Variants in SMARCC1 observed in about 807,000 individuals in gnomAD.
SMARCC1 encodes SWI/SNF complex subunit SMARCC1.
Under a neutral mutation model 147.4 loss-of-function variants are expected in SMARCC1, and 43 were observed. The observed-to-expected ratio is 0.29, with a 90% confidence interval of 0.23 to 0.38. The LOEUF is 0.38. SMARCC1 is among the 10% of genes least tolerant of loss of function. The pLI is 1.00. For synonymous variants in SMARCC1, 495 were observed against 484.4 expected (o/e 1.02, Z -0.29); for missense variants, 1,119 against 1,381.1 (o/e 0.81, Z 3.01).
chr3:47,636,277 C>A (rs1167938965), intron 22 of SMARCC1, 141 bp from the exon 23 acceptor site: 1 of 599,006 alleles, frequency 1.7e-6, no homozygotes, highest in Admixed American at 3.1e-5. Flanking sequence ...TTGTAGAGAA[C>A]AGCTCGAAAA....
At chr3:47,686,743 G>A (rs2033728431) in intron 13 of SMARCC1, among the ~76,000 whole-genome samples, 1 of 152,060 alleles carries the variant, frequency 6.6e-6, no homozygotes, top group African/African-American at 2.4e-5. Flanking sequence ...TCCAACACTT[G>A]GGAGGCTGAG....
intron 14 of SMARCC1, among the ~76,000 whole-genome samples, chr3:47,684,591 C>A (rs943444066): frequency 6.6e-6 from 1 of 151,988 alleles, no homozygotes; most frequent in South Asian, 2.1e-4. Flanking sequence ...CAGGCACCCA[C>A]CACCACGCCT....
chr3:47,758,585 C>A (rs551443851), intron 2 of SMARCC1, among the ~76,000 whole-genome samples: 1 of 152,178 alleles, frequency 6.6e-6, no homozygotes, highest in South Asian at 2.1e-4. Context: ...TTATGTACTG[C>A]ATATACATAC....
intron 25 of SMARCC1, among the ~76,000 whole-genome samples, chr3:47,618,223 G>C (rs925113588): frequency 3.3e-5 from 5 of 152,138 alleles, no homozygotes; most frequent in Non-Finnish European, 7.3e-5. Flanking sequence ...TATTGTGTGT[G>C]ATCTGATTAG....
At chr3:47,733,263 A>T (rs1178958327) in intron 5 of SMARCC1, among the ~76,000 whole-genome samples, 1 of 152,008 alleles carries the variant, frequency 6.6e-6, no homozygotes, top group African/African-American at 2.4e-5. Context: ...CCATTTAAAA[A>T]AAGGAGCAGG....
chr3:47,676,282 G>C (rs928310903), intron 17 of SMARCC1, among the ~76,000 whole-genome samples: 2 of 152,042 alleles, frequency 1.3e-5, no homozygotes, highest in Middle Eastern at 3.2e-3. Context: ...CACATTTCTA[G>C]AACACAGATT....
At chr3:47,724,164 ATAAAGTAGGAT>A (rs1467004141) in intron 6 of SMARCC1, among the ~76,000 whole-genome samples, 1 of 152,220 alleles carries the variant, frequency 6.6e-6, no homozygotes, top group Non-Finnish European at 1.5e-5. Context: ...TATGCCCAAA[ATAAAGTAGGAT>A]GAAAGTAGGA....
At chr3:47,623,134 CT>C (rs763911271) in intron 24 of SMARCC1, among the ~76,000 whole-genome samples, 977 of 67,464 alleles carry the variant, frequency 0.014, 2 homozygotes, top group Middle Eastern at 0.034. Flanking sequence ...CTACACAAGG[CT>C]TTTTTTTTTT....
intron 9 of SMARCC1, among the ~76,000 whole-genome samples, chr3:47,709,151 C>T (rs1576418313): frequency 2.0e-5 from 3 of 151,354 alleles, no homozygotes; most frequent in African/African-American, 7.3e-5. Flanking sequence ...ATCCCAGGTA[C>T]TTGGGAAGCT....
At chr3:47,729,138 C>T in intron 5 of SMARCC1, 44 bp from the exon 6 acceptor site, 1 of 1,245,034 alleles carries the variant, frequency 8.0e-7, no homozygotes. Context: ...AAGCACATGG[C>T]AATGAACTAT....
In SMARCC1 at chr3:47,735,132, G is replaced by A. The variant is rs7428880; in HGVS notation, c.576+902C>T. Among the ~76,000 whole-genome samples, 1,268 of 152,084 alleles carry A rather than the reference G, an allele frequency of 8.3e-3. 11 individuals are homozygous for A. Among genetic ancestry groups the A allele is most frequent in the Non-Finnish European group, 0.013 (852 of 68,004 alleles). ...TTAGGGAAGACAGGATTACTTGAAAGTAATACTTCATTTCTTCTTACCAAC... is the reference window on the plus strand; with the variant it reads ...TTAGGGAAGACAGGATTACTTGAAAATAATACTTCATTTCTTCTTACCAAC... On this transcript the variant is annotated intron_variant, in intron 5 of 27. Coordinates refer to ENST00000254480, the MANE Select transcript of SMARCC1 (RefSeq NM_003074.4).
chr3:47,769,210 C>CCAAAA (rs1553692339), intron 2 of SMARCC1, among the ~76,000 whole-genome samples: 1 of 33,086 alleles, frequency 3.0e-5, no homozygotes, highest in Non-Finnish European at 5.3e-5. Context: ...GACTCCGTCT[C>CCAAAA]AAAAAAAAAA....
At position 47,622,925 on chromosome 3, in the gene SMARCC1, A is replaced by G. The variant is rs904814602; in HGVS notation, c.2647-584T>C. Among the ~76,000 whole-genome samples, 6 of 152,180 alleles carry G rather than the reference A, an allele frequency of 3.9e-5. No homozygotes were observed. The East Asian group carries it at 1.2e-3, about 29-fold the overall frequency. ...GACTCACTCCTTTGCCACAAGACTG[A>G]TGGTGAATGCTTCCTGCCAACTCAA... On this transcript the variant is annotated intron_variant, in intron 24 of 27. Coordinates refer to ENST00000254480, the MANE Select transcript of SMARCC1 (RefSeq NM_003074.4).
chr3:47,638,549 C>A (rs992720419), intron 22 of SMARCC1, among the ~76,000 whole-genome samples, 176 bp downstream of exon 22: 3 of 152,110 alleles, frequency 2.0e-5, no homozygotes, highest in Admixed American at 6.6e-5. Context: ...CCCCAGTGAA[C>A]AAATGAAAAA....
chr3:47,591,443 A>G (rs2032180774), intron 26 of SMARCC1, among the ~76,000 whole-genome samples: 1 of 150,934 alleles, frequency 6.6e-6, no homozygotes, highest in Non-Finnish European at 1.5e-5. Flanking sequence ...CTAAGAGCCC[A>G]CTATGAAGCA....
At chr3:47,692,701 G>T (rs562612372) in intron 12 of SMARCC1, among the ~76,000 whole-genome samples, 4 of 152,082 alleles carry the variant, frequency 2.6e-5, no homozygotes, top group Non-Finnish European at 5.9e-5. Flanking sequence ...CTAATATCCT[G>T]TAGTGGCTAA....
Position 47,585,458 on chromosome 3 carries a change from TC to T in SMARCC1, c.*2750del, listed in dbSNP as rs1336160177. 1.3e-5 allele frequency: 2 copies of T among 152,204 alleles called. No individual in the cohort carries two copies. Among genetic ancestry groups the T allele is most frequent in the East Asian group, 3.8e-4 (2 of 5,200 alleles). 9.4% of individuals were successfully genotyped at this position (152,204 alleles called of 1,614,324 possible). ...TTTTGCTTCACTCGATTTATAAGCA[TC>T]CTGAAAACAATCACTTCTTTTTTTC... is the stretch of plus-strand genomic sequence containing the variant. On this transcript the variant is annotated 3_prime_UTR_variant, in exon 28 of 28. Coordinates refer to ENST00000254480, the MANE Select transcript of SMARCC1 (RefSeq NM_003074.4).
At position 47,659,639 on chromosome 3, in the gene SMARCC1, C is replaced by T. The variant is rs971106117; in HGVS notation, c.2320+1655G>A. Among the ~76,000 whole-genome samples, 3 of 150,936 alleles carry T rather than the reference C, an allele frequency of 2.0e-5. No individual in the cohort carries two copies. In the Admixed American group the frequency reaches 2.0e-4, roughly 10 times the overall value. ...ACAAATGTACCACCCTGGTATTGAT[C>T]GTGGGGAAAACTGTGCATGTAGGGG... is the stretch of plus-strand genomic sequence containing the variant. On this transcript the variant is annotated intron_variant, in intron 21 of 27. Transcript: ENST00000254480.
chr3:47,641,134 A>G (rs1439303378), intron 21 of SMARCC1, among the ~76,000 whole-genome samples: 1 of 152,244 alleles, frequency 6.6e-6, no homozygotes. Flanking sequence ...CAAGAATACA[A>G]ATATTACTAT....
Sources: allele counts gnomAD v4.1 joint callset (sites outside exome capture counted in the v4.1 genomes callset), GRCh38; gene constraint gnomAD v4.1.1; transcripts MANE v1.5; gene names NCBI Gene and HGNC (gene_info 2026-07-23, HGNC 2026-07-21).